SAE1: variants seen among roughly 807,000 people sequenced by gnomAD.
SAE1 encodes SUMO1 activating enzyme subunit 1.
A neutral mutation model predicts 40.6 loss-of-function variants in SAE1; 11 were observed. The observed-to-expected ratio is 0.27, with a 90% CI of 0.17 to 0.45. SAE1 has a LOEUF of 0.45. Ranked by LOEUF, SAE1 falls within the 20% of genes least tolerant of loss-of-function variation. The pLI, the probability that SAE1 is intolerant of heterozygous loss-of-function variation, is 1.00. For synonymous variants in SAE1, 155 were observed against 154.3 expected (o/e 1.00, Z -0.03); for missense variants, 373 against 427.3 (o/e 0.87, Z 1.12).
intron 6 of SAE1, among the ~76,000 whole-genome samples, chr19:47,181,450 TTTTG>T (rs934349262): frequency 9.2e-5 from 14 of 151,388 alleles, no homozygotes; most frequent in Non-Finnish European, 1.5e-4. Flanking sequence ...ATGGTTTTTG[TTTTG>T]TTTTTCTTGT....
intron 6 of SAE1, among the ~76,000 whole-genome samples, chr19:47,196,044 C>CTTT (rs778913288): frequency 4.6e-5 from 6 of 129,940 alleles, no homozygotes; most frequent in African/African-American, 1.1e-4. Flanking sequence ...TCTTCCGGGT[C>CTTT]TTTTTTTTTT....
intron 7 of SAE1, among the ~76,000 whole-genome samples, chr19:47,203,446 G>T (rs1361676866): frequency 6.6e-6 from 1 of 152,192 alleles, no homozygotes; most frequent in Non-Finnish European, 1.5e-5. Context: ...TATTGTGAAA[G>T]AATTTCTGCT....
At chr19:47,178,426 A>T (rs150282605) in intron 6 of SAE1, among the ~76,000 whole-genome samples, 6 of 152,314 alleles carry the variant, frequency 3.9e-5, no homozygotes, top group Admixed American at 2.6e-4. Flanking sequence ...AAGTACTGTC[A>T]TAGGAAAGGG....
rs1431586579 is a variant in SAE1 at position 47,131,038 on chromosome 19, G to C, written c.98+10G>C. The C allele has an allele frequency of 4.9e-5, 75 of 1,527,320 alleles. No individual in the cohort carries two copies. Among genetic ancestry groups the C allele is most frequent in the Non-Finnish European group, 6.3e-5 (72 of 1,137,020 alleles). The allele number at this position is 1,527,320 out of a possible 1,614,324, so 94.6% of individuals were successfully genotyped here. A position where few individuals can be genotyped will look rare whatever the true frequency, so the allele number is the denominator to read the frequency against. On this transcript the variant is annotated intron_variant, in intron 1 of 8. Transcript: ENST00000270225. ...TGGAGGCCCAGAAACGGTCAGGGCC[G>C]GCGCGGCTTGAGGCCGCTAGGGTCT...
chr19:47,150,044 C>G (rs1380169128), intron 2 of SAE1, among the ~76,000 whole-genome samples, 158 bp from the exon 3 acceptor site: 1 of 143,094 alleles, frequency 7.0e-6, no homozygotes, highest in East Asian at 2.0e-4. Flanking sequence ...TGCCACTGCA[C>G]TCCAGCCTGG....
intron 5 of SAE1, among the ~76,000 whole-genome samples, chr19:47,160,293 C>A (rs1374953063): frequency 7.0e-6 from 1 of 142,360 alleles, no homozygotes; most frequent in Non-Finnish European, 1.5e-5. Flanking sequence ...GCGATCTCGG[C>A]TCACTGCAAC....
intron 5 of SAE1, among the ~76,000 whole-genome samples, chr19:47,164,763 C>T (rs1282175795): frequency 2.0e-5 from 3 of 150,316 alleles, no homozygotes; most frequent in African/African-American, 7.3e-5. Context: ...ATTCTCCTGC[C>T]TCAGCCTCCT....
chr19:47,204,870 A>G lies in SAE1; in HGVS notation c.948+1130A>G, dbSNP rs550023146. ...GTTTCTGTGTCCCCATGAACACACCAGGAGCCCCTCAAGGCTCTGTACAGG... is the reference window on the plus strand; with the variant it reads ...GTTTCTGTGTCCCCATGAACACACCGGGAGCCCCTCAAGGCTCTGTACAGG... On this transcript the variant is annotated intron_variant, in intron 8 of 8. Coordinates refer to ENST00000270225, the MANE Select transcript of SAE1 (RefSeq NM_005500.3). Among the ~76,000 whole-genome samples the G allele has an allele frequency of 1.6e-3, 243 of 152,232 alleles. 2 individuals are homozygous for G. The highest frequency in any genetic ancestry group is 5.7e-3 in the African/African-American group (235 of 41,542).
chr19:47,181,588 C>G (rs1242765198), intron 6 of SAE1, among the ~76,000 whole-genome samples: 1 of 147,916 alleles, frequency 6.8e-6, no homozygotes. Flanking sequence ...ACGCCATTCT[C>G]CTGCCTCCCC....
At chr19:47,208,367 C>G (rs902277820) in intron 8 of SAE1, among the ~76,000 whole-genome samples, 1 of 152,172 alleles carries the variant, frequency 6.6e-6, no homozygotes, top group Non-Finnish European at 1.5e-5. Flanking sequence ...TCAAGCGATC[C>G]TCCCACCTCA....
rs745586488 is a variant in SAE1, at chr19:47,203,048, G to GCA, written c.879-619_879-618dup. On this transcript the variant is annotated intron_variant, in intron 7 of 8. Transcript: ENST00000270225. ...GTGTTCAGGAGTAGGAGCTGGCAGA[G>GCA]CACACTTCCTTTGGGGAAGTGGTGG... Among the ~76,000 whole-genome samples, 67 of 152,314 alleles carry GCA rather than the reference G, an allele frequency of 4.4e-4. 1 individual carries two copies. The highest frequency in any genetic ancestry group is 8.4e-4 in the Non-Finnish European group (57 of 68,024).
chr19:47,195,733 C>T (rs897884184), intron 6 of SAE1, among the ~76,000 whole-genome samples: 18 of 118,954 alleles, frequency 1.5e-4, no homozygotes, highest in South Asian at 2.9e-4. Flanking sequence ...TCCTTTTTTT[C>T]TTCTTTTTTT....
intron 5 of SAE1, among the ~76,000 whole-genome samples, chr19:47,158,896 C>T (rs1483896769): frequency 6.6e-6 from 1 of 152,112 alleles, no homozygotes; most frequent in African/African-American, 2.4e-5. Flanking sequence ...CCTGAAGTTG[C>T]TAGGGTAACG....
intron 6 of SAE1, among the ~76,000 whole-genome samples, chr19:47,183,032 C>T (rs1389563325): frequency 1.3e-5 from 2 of 152,128 alleles, no homozygotes; most frequent in African/African-American, 4.8e-5. Context: ...TCTCCTGCCT[C>T]TGCCTCCCGA....
chr19:47,205,008 T>C (rs992258046), intron 8 of SAE1, among the ~76,000 whole-genome samples: 1 of 152,198 alleles, frequency 6.6e-6, no homozygotes, highest in African/African-American at 2.4e-5. Flanking sequence ...TTCTGGAACA[T>C]TTGGGTTGCT....
intron 6 of SAE1, among the ~76,000 whole-genome samples, chr19:47,179,218 A>G (rs917661705): frequency 1.8e-4 from 27 of 150,362 alleles, no homozygotes; most frequent in African/African-American, 5.9e-4. Flanking sequence ...AGAAAGAAAA[A>G]TCTCTAGCCG....
chr19:47,148,610 C>T (rs1378447246), intron 2 of SAE1, among the ~76,000 whole-genome samples: 1 of 150,858 alleles, frequency 6.6e-6, no homozygotes, highest in Non-Finnish European at 1.5e-5. Context: ...CTCCACCTCT[C>T]TGAGTTCTTT....
chr19:47,169,434 G>A (rs1321717889), intron 5 of SAE1, among the ~76,000 whole-genome samples: 2 of 151,842 alleles, frequency 1.3e-5, no homozygotes, highest in East Asian at 3.9e-4. Flanking sequence ...TTGTAGAGAC[G>A]GGGGTTTCAC....
intron 6 of SAE1, among the ~76,000 whole-genome samples, chr19:47,184,536 G>T (rs771151843): frequency 6.6e-6 from 1 of 151,398 alleles, no homozygotes; most frequent in African/African-American, 2.4e-5. Context: ...TCAACTTCCC[G>T]AGTAGCTGGG....
Sources: gnomAD v4.1 joint callset for allele counts (sites outside exome capture counted in the v4.1 genomes callset) on GRCh38, gnomAD v4.1.1 for gene constraint, MANE v1.5 for transcripts, NCBI Gene and HGNC (gene_info 2026-07-23, HGNC 2026-07-21) for gene names.